The following ADCY9 variants were observed in gnomAD, a reference collection of about 807,000 sequenced individuals.
ADCY9 encodes the protein adenylate cyclase type 9.
ADCY9 carries 50 observed loss-of-function variants against 101.5 expected under a neutral mutation model. That is an observed-to-expected ratio of 0.49 (90% CI 0.39 to 0.62). The LOEUF (loss-of-function observed/expected upper bound fraction) is 0.62, where lower values mean the gene tolerates loss of function less well. Among genes scored for constraint, ADCY9 ranks in the 20% least tolerant of loss-of-function variants. The pLI is 0.00. For synonymous variants in ADCY9, 905 were observed against 769.3 expected (o/e 1.18, Z -2.92); for missense variants, 1,662 against 1,800.4 (o/e 0.92, Z 1.39).
Position 3,979,113 on chromosome 16 carries a change from T to G in ADCY9, c.2679+3A>C. ...GAAATAAAACGGCTGAGCCTTTACT[T>G]ACGTGTATGTTGGTCTCATATTCGG... On this transcript the variant is annotated splice_donor_region_variant and intron_variant, in intron 8 of 10. Transcript: ENST00000294016. 6.2e-7 allele frequency: 1 copy of G among 1,614,158 alleles called. No homozygotes were observed. The highest frequency in any genetic ancestry group is 8.5e-7 in the Non-Finnish European group (1 of 1,180,006).
chr16:4,105,421 C>A (rs1383695473), intron 2 of ADCY9, among the ~76,000 whole-genome samples: 1 of 151,656 alleles, frequency 6.6e-6, no homozygotes, highest in Non-Finnish European at 1.5e-5. Context: ...CCTATAATCC[C>A]AGCACTTTGA....
chr16:4,109,487 G>A (rs533835926), intron 2 of ADCY9, among the ~76,000 whole-genome samples: 17 of 152,234 alleles, frequency 1.1e-4, no homozygotes, highest in South Asian at 2.1e-4. Flanking sequence ...CAGGGGTTCC[G>A]GGCCTCTGTA....
rs76750792 is a variant in ADCY9, at chr16:4,097,487, T to TATATATATACACACACACAC, written c.1693+16262_1693+16263insGTGTGTGTGTGTATATATAT. ...ATATATATATATATATATATATATA[T>TATATATATACACACACACAC]ACACACACACACACTATATATATGT... On this transcript the variant is annotated intron_variant, in intron 2 of 10. Transcript: ENST00000294016. Among the ~76,000 whole-genome samples, 479 of 72,230 alleles carry TATATATATACACACACACAC rather than the reference T, an allele frequency of 6.6e-3. 4 individuals carry two copies. Among genetic ancestry groups the TATATATATACACACACACAC allele is most frequent in the African/African-American group, 6.8e-3 (130 of 19,128 alleles). The allele number at this position is 72,230 out of a possible 152,430, so 47.4% of individuals were successfully genotyped here.
In ADCY9 at chr16:4,033,662, G is replaced by A. The variant is rs867713983; in HGVS notation, c.1694-26104C>T. On this transcript the variant is annotated intron_variant, in intron 2 of 10. Coordinates refer to ENST00000294016, the MANE Select transcript of ADCY9 (RefSeq NM_001116.4). ...AATCTCCTGACCTTGTGATCCACCC[G>A]CCTCGGCCTCCCAAAGTGCTGGGAT... Among the ~76,000 whole-genome samples, 6 of 152,180 alleles carry A rather than the reference G, an allele frequency of 3.9e-5. 1 individual carries two copies. The highest frequency in any genetic ancestry group is 3.9e-4 in the East Asian group (2 of 5,160).
In ADCY9 at chr16:3,964,985, C is replaced by T. The variant is rs1027983970; in HGVS notation, c.*790G>A. 1 of 152,282 alleles carries T rather than the reference C, an allele frequency of 6.6e-6. No individual in the cohort carries two copies. Among genetic ancestry groups the T allele is most frequent in the African/African-American group, 2.4e-5 (1 of 41,472 alleles). The allele number at this position is 152,282 out of a possible 1,614,324, so 9.4% of individuals were successfully genotyped here. A position where few individuals can be genotyped will look rare whatever the true frequency, so the allele number is the denominator to read the frequency against. ...AACACCTCCACTCCCGATGGGGAGA[C>T]CCCTGGGTGGAGGGTCGGGGGTGAG... On this transcript the variant is annotated 3_prime_UTR_variant, in exon 11 of 11. Coordinates refer to ENST00000294016, the MANE Select transcript of ADCY9 (RefSeq NM_001116.4).
chr16:4,105,396 GCATGGTGGCT>G (rs1327767655), intron 2 of ADCY9, among the ~76,000 whole-genome samples: 3 of 152,004 alleles, frequency 2.0e-5, no homozygotes, highest in Non-Finnish European at 4.4e-5. Flanking sequence ...ATTAGGCCGG[GCATGGTGGCT>G]CACACCTATA....
At chr16:4,040,955 C>T (rs1218809640) in intron 2 of ADCY9, among the ~76,000 whole-genome samples, 1 of 151,968 alleles carries the variant, frequency 6.6e-6, no homozygotes, top group Non-Finnish European at 1.5e-5. Flanking sequence ...AGGGTGGAAA[C>T]AGCAGGGCCA....
chr16:4,051,610 C>T (rs1434195136), intron 2 of ADCY9, among the ~76,000 whole-genome samples: 2 of 151,812 alleles, frequency 1.3e-5, no homozygotes, highest in African/African-American at 2.4e-5. Context: ...AGCTTGGAGG[C>T]GCTGCTTTTG....
intron 9 of ADCY9, among the ~76,000 whole-genome samples, chr16:3,976,593 T>C (rs1297968664): frequency 6.6e-6 from 1 of 152,220 alleles, no homozygotes; most frequent in African/African-American, 2.4e-5. Context: ...AAAAGACCTA[T>C]GTTCAGTGAC....
At chr16:3,956,503 T>TTTTTTTTTTGGGG (rs55792938) in intron 5 of ADCY9, among the ~76,000 whole-genome samples, 1 of 69,576 alleles carries the variant, frequency 1.4e-5, no homozygotes, top group African/African-American at 4.0e-5. Flanking sequence ...TTTTTTTTTT[T>TTTTTTTTTTGGGG]GGGGGGGGAT....
Position 4,062,402 on chromosome 16 carries a change from A to G in ADCY9, c.1693+51348T>C, listed in dbSNP as rs192476762. 1.5e-3 allele frequency among the ~76,000 whole-genome samples: 226 copies of G among 152,376 alleles called. 1 individual carries two copies. The highest frequency in any genetic ancestry group is 5.2e-3 in the African/African-American group (215 of 41,598). On this transcript the variant is annotated intron_variant, in intron 2 of 10. Coordinates refer to ENST00000294016, the MANE Select transcript of ADCY9 (RefSeq NM_001116.4). ...GTAATCCAAGCATATCAATAATTGC[A>G]TTAAATGTAAATGGATTAAACACTC...
At chr16:4,086,133 C>T (rs895422603) in intron 2 of ADCY9, among the ~76,000 whole-genome samples, 1 of 151,440 alleles carries the variant, frequency 6.6e-6, no homozygotes, top group African/African-American at 2.4e-5. Flanking sequence ...AAGGTGGCGA[C>T]GCAATGAAAA....
At chr16:4,087,215 G>A (rs74595902) in intron 2 of ADCY9, among the ~76,000 whole-genome samples, 15 of 151,894 alleles carry the variant, frequency 9.9e-5, no homozygotes, top group African/African-American at 2.7e-4. Context: ...ATGGAGATTC[G>A]TTTGTTCTGT....
rs1278100124 is a variant in ADCY9, at chr16:3,966,455, C to T, written c.3382G>A (p.Gly1128Ser). The change falls in exon 11 of 11, where the codon GGC (glycine) becomes AGC (serine). Residue 1128 changes from glycine (G) to serine (S), a missense_variant. Coordinates refer to ENST00000294016, the MANE Select transcript of ADCY9 (RefSeq NM_001116.4). ...TGCAGGTGCTCCTGCGGGTGGCTGC[C>T]GTCCTGGGCCTGCGCGGTGTTCAGC... is the stretch of plus-strand genomic sequence containing the variant. ...SGLNTAQAQD[G>S]SHPQEHLQIL... The T allele has an allele frequency of 3.7e-6, 6 of 1,614,006 alleles. No individual in the cohort carries two copies. In the African/African-American group the frequency reaches 4.0e-5, roughly 11 times the overall value.
intron 2 of ADCY9, among the ~76,000 whole-genome samples, chr16:4,041,813 G>A (rs542221128): frequency 4.0e-5 from 6 of 149,344 alleles, no homozygotes; most frequent in Non-Finnish European, 8.9e-5. Context: ...GTACGGTGGA[G>A]TAATCACAGC....
intron 2 of ADCY9, among the ~76,000 whole-genome samples, chr16:4,095,511 G>A (rs963085809): frequency 7.2e-5 from 11 of 152,208 alleles, no homozygotes; most frequent in Middle Eastern, 3.4e-3. Context: ...TCAGTCCTAC[G>A]AGTGAAAAAC....
intron 2 of ADCY9, among the ~76,000 whole-genome samples, chr16:4,108,538 C>G (rs28553505): frequency 0.094 from 14,148 of 151,226 alleles, 840 homozygotes; most frequent in African/African-American, 0.15. Flanking sequence ...CACACCCAGC[C>G]AATTTTTGCA....
chr16:4,089,955 A>C (rs2056963055), intron 2 of ADCY9, among the ~76,000 whole-genome samples: 1 of 152,016 alleles, frequency 6.6e-6, no homozygotes, highest in African/African-American at 2.4e-5. Context: ...ACAGGCTTGA[A>C]TTACATCCTA....
chr16:4,111,122 A>G (rs1008166929), intron 2 of ADCY9, among the ~76,000 whole-genome samples: 1 of 152,208 alleles, frequency 6.6e-6, no homozygotes, highest in African/African-American at 2.4e-5. Flanking sequence ...AATTTGAATG[A>G]GAGGAGCTTC....
Sources: gnomAD v4.1 joint callset for allele counts (sites outside exome capture counted in the v4.1 genomes callset) on GRCh38, gnomAD v4.1.1 for gene constraint, MANE v1.5 for transcripts, NCBI Gene and HGNC (gene_info 2026-07-23, HGNC 2026-07-21) for gene names.